The following LRRC37A2 variants were observed in gnomAD, a reference collection of about 807,000 sequenced individuals.
The protein encoded by LRRC37A2 is leucine-rich repeat-containing protein 37A2.
LRRC37A2 carries 9 observed loss-of-function variants against 68.8 expected under a neutral mutation model. The observed-to-expected ratio is 0.13, with a 90% CI of 0.08 to 0.23. The LOEUF is 0.23. Ranked by LOEUF, LRRC37A2 falls within the 10% of genes least tolerant of loss-of-function variation. The probability of loss-of-function intolerance (pLI) is 1.00; values close to 1 mark genes in which losing one functional copy is unlikely to be tolerated. For missense variants in LRRC37A2, 168 were observed against 950.4 expected, an observed-to-expected ratio of 0.18 and a Z score of 10.82; for synonymous variants, 63 against 367.6, an observed-to-expected ratio of 0.17 and a Z score of 9.48.
chr17:46,548,253 A>G, intron 9 of LRRC37A2, 59 bp from the exon 9 acceptor site: 1 of 361,344 alleles, frequency 2.8e-6, no homozygotes, highest in South Asian at 2.3e-5. Context: ...ACAGCTATGG[A>G]CTGATGCATC....
the LRRC37A2 span, among the ~76,000 whole-genome samples, chr17:46,882,495 G>A: frequency 6.6e-6 from 1 of 152,144 alleles, no homozygotes; most frequent in Non-Finnish European, 1.5e-5. Flanking sequence ...GAGTGCAGTG[G>A]TGCGATCTCG....
chr17:46,925,881 A>C, the LRRC37A2 span, among the ~76,000 whole-genome samples: 1 of 152,190 alleles, frequency 6.6e-6, no homozygotes, highest in Non-Finnish European at 1.5e-5. Context: ...AACAATAAAC[A>C]TTTTACACTT....
the LRRC37A2 span, among the ~76,000 whole-genome samples, chr17:46,957,089 G>A: frequency 3.3e-5 from 5 of 152,082 alleles, no homozygotes; most frequent in African/African-American, 7.2e-5. Context: ...CGGGTGGATC[G>A]TGTGAACCCA....
the LRRC37A2 span, among the ~76,000 whole-genome samples, chr17:46,919,991 T>C: frequency 2.0e-5 from 3 of 152,046 alleles, no homozygotes; most frequent in East Asian, 5.8e-4. Context: ...TATGATCTCG[T>C]TCTAACCTTT....
chr17:46,953,554 T>A, the LRRC37A2 span, among the ~76,000 whole-genome samples: 1 of 152,158 alleles, frequency 6.6e-6, no homozygotes, highest in Non-Finnish European at 1.5e-5. Flanking sequence ...ATCCTTTGGG[T>A]ATATACCCAG....
chr17:46,933,912 A>G, the LRRC37A2 span, among the ~76,000 whole-genome samples: 1 of 149,868 alleles, frequency 6.7e-6, no homozygotes, highest in South Asian at 2.1e-4. Flanking sequence ...GCTGCTCTCT[A>G]TCCTGGGTGA....
the LRRC37A2 span, among the ~76,000 whole-genome samples, chr17:46,779,103 A>C: frequency 0.022 from 2,964 of 133,414 alleles, 298 homozygotes; most frequent in East Asian, 0.24. Context: ...ACACACACAC[A>C]CCCCAGCCCA....
chr17:46,877,152 A>C, the LRRC37A2 span: 10 of 934,618 alleles, frequency 1.1e-5, no homozygotes, highest in African/African-American at 1.8e-4. Flanking sequence ...GCCAGCTGGA[A>C]GTGAAGGCGG....
At chr17:46,836,933 T>C in the LRRC37A2 span, among the ~76,000 whole-genome samples, 2 of 152,104 alleles carry the variant, frequency 1.3e-5, no homozygotes, top group African/African-American at 4.8e-5. Context: ...CCCTTGCAAG[T>C]ATTTCTTTTT....
the LRRC37A2 span, among the ~76,000 whole-genome samples, chr17:47,029,071 A>G: frequency 7.3e-3 from 1,107 of 152,136 alleles, 53 homozygotes; most frequent in East Asian, 0.096. Flanking sequence ...CCTAGCTATC[A>G]GGAGGCTGAG....
At chr17:46,726,475 A>G in the LRRC37A2 span, 1 of 1,347,372 alleles carries the variant, frequency 7.4e-7, no homozygotes, top group African/African-American at 1.4e-5. Flanking sequence ...TTGCTCAAGA[A>G]GTAACTAAAC....
At chr17:46,558,341 C>T (rs954213302), downstream of LRRC37A2, among the ~76,000 whole-genome samples, 38 of 108,202 alleles carry the variant, frequency 3.5e-4, 1 homozygote, top group African/African-American at 1.4e-3. Flanking sequence ...ATTACAGGTG[C>T]GAGCTACCGC....
chr17:46,741,099 G>A, the LRRC37A2 span, among the ~76,000 whole-genome samples: 2 of 152,140 alleles, frequency 1.3e-5, no homozygotes, highest in Admixed American at 6.5e-5. Flanking sequence ...AGACAGCAAA[G>A]CATAGTGAAA....
At chr17:46,405,839 T>C in the LRRC37A2 span, among the ~76,000 whole-genome samples, 2 of 121,964 alleles carry the variant, frequency 1.6e-5, no homozygotes, top group Non-Finnish European at 3.5e-5. Context: ...TAGGAAACCC[T>C]AGGGAATCAT....
At chr17:46,808,545 A>G in the LRRC37A2 span, among the ~76,000 whole-genome samples, 1 of 152,356 alleles carries the variant, frequency 6.6e-6, no homozygotes, top group African/African-American at 2.4e-5. Flanking sequence ...TTCCCATGCC[A>G]TGCCCAGGCT....
chr17:46,870,558 C>G, the LRRC37A2 span, among the ~76,000 whole-genome samples: 1 of 152,308 alleles, frequency 6.6e-6, no homozygotes, highest in Middle Eastern at 3.4e-3. Flanking sequence ...TGTCTCTGCT[C>G]GGAGGTTTCG....
chr17:46,755,377 C>A, the LRRC37A2 span: 1 of 1,609,824 alleles, frequency 6.2e-7, no homozygotes, highest in Non-Finnish European at 8.5e-7. Flanking sequence ...AGCGTAAGTA[C>A]ATACAACATT....
chr17:46,811,352 G>A, the LRRC37A2 span, among the ~76,000 whole-genome samples: 11 of 152,172 alleles, frequency 7.2e-5, no homozygotes, highest in Non-Finnish European at 7.3e-5. Context: ...TCAATGGCGC[G>A]GAAGTGATTG....
At chr17:46,940,606 G>A in the LRRC37A2 span, 3 of 1,614,174 alleles carry the variant, frequency 1.9e-6, no homozygotes, top group Non-Finnish European at 2.5e-6. Flanking sequence ...TCTGCAGGGA[G>A]CAGCTGAGCC....
Sources: gnomAD v4.1 joint callset for allele counts (sites outside exome capture counted in the v4.1 genomes callset) on GRCh38, gnomAD v4.1.1 for gene constraint, MANE v1.5 for transcripts, NCBI Gene and HGNC (gene_info 2026-07-23, HGNC 2026-07-21) for gene names.